The following NRXN3 variants were observed in gnomAD, a reference collection of about 807,000 sequenced individuals.
NRXN3 encodes neurexin 3, also known as neurexin III.
A neutral mutation model predicts 137.6 loss-of-function variants in NRXN3; 32 were observed. The ratio of observed to expected loss-of-function variants is 0.23; its 90% CI spans 0.18 to 0.31. The LOEUF is 0.31. NRXN3 is among the 10% of genes least tolerant of loss of function. NRXN3 has a pLI of 1.00. For synonymous variants in NRXN3, 798 were observed against 784.5 expected (o/e 1.02, Z -0.29); for missense variants, 1,574 against 2,062.5 (o/e 0.76, Z 4.59).
At chr14:79,616,261 C>G (rs221509) in intron 16 of NRXN3, among the ~76,000 whole-genome samples, 50,914 of 151,972 alleles carry the variant, frequency 0.34, 11,464 homozygotes, top group African/African-American at 0.65. Context: ...AGAGAGGCTG[C>G]AGCATGGGAG....
intron 6 of NRXN3, among the ~76,000 whole-genome samples, chr14:78,675,106 C>T (rs1232103222): frequency 6.6e-6 from 1 of 152,136 alleles, no homozygotes; most frequent in African/African-American, 2.4e-5. Context: ...ATGTGCCAGA[C>T]CAAGTGCAGT....
chr14:78,418,216 G>A (rs1006526086), intron 4 of NRXN3, among the ~76,000 whole-genome samples: 2 of 152,172 alleles, frequency 1.3e-5, no homozygotes, highest in African/African-American at 4.8e-5. Flanking sequence ...GAGAAATTAA[G>A]CAAGTCTTAC....
intron 15 of NRXN3, among the ~76,000 whole-genome samples, chr14:79,117,495 T>C (rs1173849834): frequency 6.6e-6 from 1 of 152,230 alleles, no homozygotes. Context: ...AAATGATCAC[T>C]AGCTGTCCCT....
intron 4 of NRXN3, among the ~76,000 whole-genome samples, chr14:78,376,894 C>T (rs572926007): frequency 8.7e-4 from 133 of 152,086 alleles, no homozygotes; most frequent in Non-Finnish European, 1.4e-3. Flanking sequence ...AGGTAATAAC[C>T]AGATAAACCA....
At chr14:79,787,086 A>G (rs2099131527) in intron 19 of NRXN3, among the ~76,000 whole-genome samples, 1 of 152,184 alleles carries the variant, frequency 6.6e-6, no homozygotes, top group East Asian at 1.9e-4. Flanking sequence ...TCTACATGAT[A>G]TTTGACTTAC....
At chr14:79,588,320 A>G (rs911680870) in intron 16 of NRXN3, among the ~76,000 whole-genome samples, 3 of 152,218 alleles carry the variant, frequency 2.0e-5, no homozygotes, top group African/African-American at 7.2e-5. Context: ...TGGGTGTTTT[A>G]GAATTGCACT....
In NRXN3 at chr14:79,678,470, T is replaced by A. The variant is rs78307597; in HGVS notation, c.3617-13703T>A. On this transcript the variant is annotated intron_variant, in intron 17 of 20. Transcript: ENST00000335750. ...GTTAAGGAAAGAGGAAGTCTACACG[T>A]CTTTGCTGCTCACTGTGTTTAGTAT... Among the ~76,000 whole-genome samples, 868 of 152,292 alleles carry A rather than the reference T, an allele frequency of 5.7e-3. 11 individuals are homozygous for A. The highest frequency in any genetic ancestry group is 0.019 in the African/African-American group (804 of 41,574).
At chr14:78,808,174 C>T (rs372407096) in intron 9 of NRXN3, among the ~76,000 whole-genome samples, 53 of 152,244 alleles carry the variant, frequency 3.5e-4, no homozygotes, top group African/African-American at 1.3e-3. Flanking sequence ...CAAAGTAATT[C>T]TTCACATATT....
chr14:78,736,762 A>G (rs919536308), intron 8 of NRXN3, among the ~76,000 whole-genome samples: 2 of 152,228 alleles, frequency 1.3e-5, no homozygotes, highest in Non-Finnish European at 2.9e-5. Flanking sequence ...CCCCCATGCA[A>G]CTAACAATCT....
chr14:79,461,066 C>T (rs1408675071), intron 15 of NRXN3, among the ~76,000 whole-genome samples: 2 of 152,178 alleles, frequency 1.3e-5, no homozygotes, highest in African/African-American at 2.4e-5. Flanking sequence ...CCCTGTACTC[C>T]CTAGTGGCTC....
intron 2 of NRXN3, among the ~76,000 whole-genome samples, chr14:78,272,521 G>A (rs1392791423): frequency 2.0e-5 from 3 of 152,224 alleles, no homozygotes; most frequent in Non-Finnish European, 4.4e-5. Flanking sequence ...AGAAGGAACA[G>A]AATGGGCCCC....
At chr14:79,467,472 C>T (rs1352857077) in intron 16 of NRXN3, 70 bp downstream of exon 16, 1 of 1,378,506 alleles carries the variant, frequency 7.3e-7, no homozygotes, top group Non-Finnish European at 1.0e-6. Flanking sequence ...CAGGTAGACG[C>T]AGCAGAACAT....
chr14:79,516,818 C>T (rs1017945393), intron 16 of NRXN3, among the ~76,000 whole-genome samples: 17 of 152,042 alleles, frequency 1.1e-4, no homozygotes, highest in African/African-American at 3.4e-4. Context: ...GCTGCCTTAC[C>T]GTATCAGAAC....
At chr14:79,775,024 T>C (rs1232511531) in intron 19 of NRXN3, among the ~76,000 whole-genome samples, 1 of 152,034 alleles carries the variant, frequency 6.6e-6, no homozygotes, top group East Asian at 1.9e-4. Context: ...AATGGAATGG[T>C]GACGTAGACA....
At chr14:79,221,088 C>T (rs1780338661) in intron 15 of NRXN3, among the ~76,000 whole-genome samples, 1 of 152,046 alleles carries the variant, frequency 6.6e-6, no homozygotes, top group Admixed American at 6.6e-5. Flanking sequence ...TGAACTCATC[C>T]TTTTTTATGG....
chr14:79,640,552 A>G (rs1387705112), intron 16 of NRXN3, among the ~76,000 whole-genome samples: 1 of 135,336 alleles, frequency 7.4e-6, no homozygotes, highest in Non-Finnish European at 1.7e-5. Flanking sequence ...TTCTCTTTTT[A>G]TGTTGATTAC....
At chr14:78,474,352 C>T (rs2095339431) in intron 4 of NRXN3, among the ~76,000 whole-genome samples, 1 of 152,164 alleles carries the variant, frequency 6.6e-6, no homozygotes, top group Admixed American at 6.5e-5. Flanking sequence ...GACCTTATAG[C>T]AGATCACTGG....
chr14:78,959,487 T>G (rs2099403865), intron 11 of NRXN3, among the ~76,000 whole-genome samples: 1 of 152,134 alleles, frequency 6.6e-6, no homozygotes, highest in Admixed American at 6.5e-5. Context: ...AGGTAGGGAA[T>G]GCATTAGCTT....
At chr14:78,723,100 G>C (rs754763239) in intron 8 of NRXN3, among the ~76,000 whole-genome samples, 2 of 152,178 alleles carry the variant, frequency 1.3e-5, no homozygotes, top group Non-Finnish European at 1.5e-5. Flanking sequence ...AGCCAGCCAT[G>C]AAACACTTTG....
Sources: allele counts gnomAD v4.1 joint callset (sites outside exome capture counted in the v4.1 genomes callset), GRCh38; gene constraint gnomAD v4.1.1; transcripts MANE v1.5; gene names NCBI Gene and HGNC (gene_info 2026-07-23, HGNC 2026-07-21).